The following TPRKB variants were observed in gnomAD, a reference collection of about 807,000 sequenced individuals.
TPRKB encodes the protein EKC/KEOPS complex subunit TPRKB.
TPRKB carries 11 observed loss-of-function variants against 17.8 expected under a neutral mutation model. The observed-to-expected ratio is 0.62, with a 90% CI of 0.39 to 1.02. The LOEUF is 1.02. Ranked by LOEUF, TPRKB falls within the 50% of genes least tolerant of loss-of-function variation. The pLI, the probability that TPRKB is intolerant of heterozygous loss-of-function variation, is 0.00. For missense variants in TPRKB, 228 were observed against 198.0 expected (o/e 1.15, Z -0.91); for synonymous variants, 71 against 69.5 (o/e 1.02, Z -0.11).
At chr2:73,734,782 AT>A (rs1461576756) in intron 1 of TPRKB, among the ~76,000 whole-genome samples, 191 bp from the exon 2 acceptor site, 1 of 152,224 alleles carries the variant, frequency 6.6e-6, no homozygotes. Flanking sequence ...TTCTGTTGTC[AT>A]CCCCAGGGAA....
At position 73,730,022 on chromosome 2, in the gene TPRKB, T is replaced by C; in HGVS notation, c.449A>G (p.Lys150Arg). The C allele has an allele frequency of 6.4e-7, 1 of 1,563,484 alleles. No individual in the cohort carries two copies. Among genetic ancestry groups the C allele is most frequent in the African/African-American group, 1.4e-5 (1 of 73,618 alleles). ...MNITEVKKIY[K>R]LSSQEESIGT... ...AATACTTTCTTCTTGTGAAGAGAGT[T>C]TATATATCTGTAAAAATGAAAGACA... The change falls in exon 5 of 5, where the codon AAA becomes AGA. Residue 150 changes from lysine (K) to arginine (R), a missense_variant. Lys to Arg is a conservative substitution (Grantham distance 26). Coordinates refer to ENST00000272424, the MANE Select transcript of TPRKB (RefSeq NM_016058.5).
chr2:73,735,108 C>T (rs998791432), intron 1 of TPRKB, among the ~76,000 whole-genome samples: 8 of 152,146 alleles, frequency 5.3e-5, no homozygotes, highest in African/African-American at 1.9e-4. Context: ...GCGAGCAGAT[C>T]ACCTGAGGTT....
Position 73,730,026 on chromosome 2 carries a change from A to G in TPRKB, c.445T>C (p.Tyr149His), listed in dbSNP as rs754783287. 2.6e-6 allele frequency: 4 copies of G among 1,560,652 alleles called. No individual in the cohort carries two copies. The highest frequency in any genetic ancestry group is 1.2e-5 in the South Asian group (1 of 84,278). The part of the protein sequence containing the change: ...IMNITEVKKI[Y>H]KLSSQEESIG... ...CTTTCTTCTTGTGAAGAGAGTTTAT[A>G]TATCTGTAAAAATGAAAGACAAATT... Residue 149 changes from tyrosine (Y) to histidine (H), a missense_variant, in exon 5 of 5, where the codon TAT (tyrosine) becomes CAT (histidine). Transcript: ENST00000272424.
At chr2:73,732,403 G>C in intron 2 of TPRKB, 118 bp from the exon 3 acceptor site, 1 of 1,176,502 alleles carries the variant, frequency 8.5e-7, no homozygotes. Context: ...CAATTCTTAC[G>C]GTCTGTATTT....
intron 2 of TPRKB, 26 bp downstream of exon 2, chr2:73,734,403 C>T (rs373693552): frequency 2.2e-4 from 358 of 1,598,306 alleles, no homozygotes; most frequent in Non-Finnish European, 2.8e-4. Flanking sequence ...CCAGCAGGCT[C>T]ATTCATTCTT....
intron 1 of TPRKB, among the ~76,000 whole-genome samples, chr2:73,736,833 CACTCT>C (rs1671906169): frequency 6.6e-6 from 1 of 152,206 alleles, no homozygotes; most frequent in Non-Finnish European, 1.5e-5. Flanking sequence ...CGGTGTTCCA[CACTCT>C]ACGATCTGGT....
intron 1 of TPRKB, 125 bp from the exon 2 acceptor site, chr2:73,734,716 G>A (rs991175308): frequency 6.9e-6 from 6 of 867,264 alleles, no homozygotes; most frequent in African/African-American, 3.4e-5. Context: ...AAAATCCATC[G>A]CCAAAGCCCA....
At chr2:73,736,260 TATATA>T (rs1344351200) in intron 1 of TPRKB, among the ~76,000 whole-genome samples, 1 of 152,154 alleles carries the variant, frequency 6.6e-6, no homozygotes, top group Non-Finnish European at 1.5e-5. Flanking sequence ...GGATCCCAAT[TATATA>T]AAAAGATACA....
Position 73,732,498 on chromosome 2 carries a change from C to T in TPRKB, c.142-213G>A, listed in dbSNP as rs145107968. ...AGGCCAAGGTGGGTAGATCACCTGA[C>T]GTCAGGGTTCAAGACCAGCCTGGCC... On this transcript the variant is annotated intron_variant, in intron 2 of 4. Transcript: ENST00000272424. 26 of 503,882 alleles carry T rather than the reference C, an allele frequency of 5.2e-5. No homozygotes were observed. In the East Asian group the frequency reaches 8.7e-4, roughly 17 times the overall value. 31.2% of individuals were successfully genotyped at this position (503,882 alleles called of 1,614,324 possible). A position where few individuals can be genotyped will look rare whatever the true frequency, so the allele number is the denominator to read the frequency against.
chr2:73,732,967 A>G (rs894956793), intron 2 of TPRKB, among the ~76,000 whole-genome samples: 5 of 152,182 alleles, frequency 3.3e-5, no homozygotes, highest in Non-Finnish European at 7.3e-5. Context: ...TGATGAGGAA[A>G]TTGAGGCAAA....
chr2:73,736,889 C>G (rs1671909721), intron 1 of TPRKB, among the ~76,000 whole-genome samples: 1 of 152,176 alleles, frequency 6.6e-6, no homozygotes, highest in African/African-American at 2.4e-5. Context: ...ATGGCCTTCT[C>G]TAAGCTCAAG....
intron 2 of TPRKB, among the ~76,000 whole-genome samples, chr2:73,733,062 C>T (rs1323720986): frequency 2.0e-5 from 3 of 151,878 alleles, no homozygotes; most frequent in African/African-American, 7.3e-5. Flanking sequence ...TGTTAGAGAC[C>T]GATGAAACAG....
chr2:73,731,321 T>A (rs1018839729), intron 3 of TPRKB, among the ~76,000 whole-genome samples: 6 of 152,216 alleles, frequency 3.9e-5, no homozygotes, highest in Admixed American at 1.3e-4. Context: ...CAGGAACATA[T>A]TTGCCTCTTC....
intron 4 of TPRKB, 124 bp from the exon 5 acceptor site, chr2:73,730,153 A>C (rs927281663): frequency 8.8e-7 from 1 of 1,135,516 alleles, no homozygotes; most frequent in Non-Finnish European, 1.2e-6. Flanking sequence ...TATAACAAAC[A>C]ACAAATGTGA....
At chr2:73,734,057 C>T (rs1671761873) in intron 2 of TPRKB, among the ~76,000 whole-genome samples, 1 of 151,156 alleles carries the variant, frequency 6.6e-6, no homozygotes. Context: ...CTGCCTGCCT[C>T]GGCCTCCCAA....
chr2:73,734,244 G>A (rs1005308804), intron 2 of TPRKB, among the ~76,000 whole-genome samples, 185 bp downstream of exon 2: 11 of 151,588 alleles, frequency 7.3e-5, no homozygotes, highest in Admixed American at 4.6e-4. Flanking sequence ...GATTATAGGC[G>A]CCCGCCACCA....
In TPRKB at chr2:73,732,633, C is replaced by T. The variant is rs180967126; in HGVS notation, c.142-348G>A. 3.3e-3 allele frequency: 601 copies of T among 182,390 alleles called. 4 individuals are homozygous for T. The highest frequency in any genetic ancestry group is 0.013 in the African/African-American group (559 of 41,524). The allele number at this position is 182,390 out of a possible 1,614,324, so 11.3% of individuals were successfully genotyped here. On this transcript the variant is annotated intron_variant, in intron 2 of 4. Transcript: ENST00000272424. ...CTGAGGCAGGACAATTGCTTGAACC[C>T]GGGAGGCAGAGGTTGCCGTGAGCCA... is the stretch of plus-strand genomic sequence containing the variant.
chr2:73,734,611 A>T lies in TPRKB; in HGVS notation c.-22-20T>A. The T allele has an allele frequency of 6.5e-7, 1 of 1,534,252 alleles. No homozygotes were observed. The highest frequency in any genetic ancestry group is 8.7e-7 in the Non-Finnish European group (1 of 1,143,434). Reference sequence around the variant, plus strand: ...ATTCTACTGCACACAAAATGAAAAGACCAAAAGATTTCATTTAAAAGTTAA... The same window carrying T: ...ATTCTACTGCACACAAAATGAAAAGTCCAAAAGATTTCATTTAAAAGTTAA... On this transcript the variant is annotated intron_variant, in intron 1 of 4. Coordinates refer to ENST00000272424, the MANE Select transcript of TPRKB (RefSeq NM_016058.5).
At position 73,734,493 on chromosome 2, in the gene TPRKB, G is replaced by T. The variant is rs751970441; in HGVS notation, c.77C>A (p.Ala26Glu). Reference sequence around the variant, plus strand: ...CATGGCCTTTCTTCTCAAGTCTCCCGCATTTTTTACATCTTTAAATAACAG... The same window carrying T: ...CATGGCCTTTCTTCTCAAGTCTCCCTCATTTTTTACATCTTTAAATAACAG... The part of the protein sequence containing the change: ...TLLLFKDVKN[A>E]GDLRRKAMEG... Residue 26 changes from alanine to glutamate, a missense_variant, in exon 2 of 5, where the codon GCG becomes GAG. Coordinates refer to ENST00000272424, the MANE Select transcript of TPRKB (RefSeq NM_016058.5). 2 of 1,613,744 alleles carry T rather than the reference G, an allele frequency of 1.2e-6. No individual in the cohort carries two copies. The highest frequency in any genetic ancestry group is 1.1e-5 in the South Asian group (1 of 91,064).
Sources: allele counts gnomAD v4.1 joint callset (sites outside exome capture counted in the v4.1 genomes callset), GRCh38; gene constraint gnomAD v4.1.1; transcripts MANE v1.5; gene names NCBI Gene and HGNC (gene_info 2026-07-23, HGNC 2026-07-21).